RORA: variants seen among roughly 807,000 people sequenced by gnomAD.
RORA encodes the protein RAR related orphan receptor A, also known as nuclear receptor ROR-alpha.
Under a neutral mutation model 69.5 loss-of-function variants are expected in RORA, and 7 were observed. That is an observed-to-expected ratio of 0.10 (90% CI 0.06 to 0.19). The LOEUF (loss-of-function observed/expected upper bound fraction) is 0.19, where lower values mean the gene tolerates loss of function less well. RORA is among the 10% of genes least tolerant of loss of function. The pLI is 1.00. For synonymous variants in RORA, 261 were observed against 240.8 expected (o/e 1.08, Z -0.78); for missense variants, 457 against 663.0 (o/e 0.69, Z 3.41).
At chr15:60,617,145 G>A (rs183699878) in intron 2 of RORA, among the ~76,000 whole-genome samples, 8 of 152,274 alleles carry the variant, frequency 5.3e-5, no homozygotes, top group Admixed American at 3.9e-4. Flanking sequence ...CTTTACTAGT[G>A]AGTACAGTAG....
At chr15:61,179,501 C>A (rs904100631) in intron 1 of RORA, among the ~76,000 whole-genome samples, 6 of 152,124 alleles carry the variant, frequency 3.9e-5, no homozygotes, top group Non-Finnish European at 7.3e-5. Context: ...TATTTTAAAA[C>A]ACATGTATTT....
intron 1 of RORA, among the ~76,000 whole-genome samples, chr15:60,947,242 C>T (rs940572812): frequency 6.6e-5 from 10 of 151,576 alleles, no homozygotes; most frequent in African/African-American, 1.7e-4. Flanking sequence ...GCGGTTTTGT[C>T]GAATAGAAAA....
intron 1 of RORA, among the ~76,000 whole-genome samples, chr15:61,001,260 C>T (rs888142020): frequency 6.6e-6 from 1 of 152,146 alleles, no homozygotes; most frequent in African/African-American, 2.4e-5. Context: ...ATTAAAAATC[C>T]CTGTGAGGGC....
At chr15:60,805,930 A>C (rs1050538313) in intron 1 of RORA, among the ~76,000 whole-genome samples, 2 of 152,208 alleles carry the variant, frequency 1.3e-5, no homozygotes, top group Admixed American at 1.3e-4. Flanking sequence ...CAGAAGTTTA[A>C]ATCTCAGGTG....
At chr15:61,044,548 AT>A (rs1896935115) in intron 1 of RORA, among the ~76,000 whole-genome samples, 1 of 152,262 alleles carries the variant, frequency 6.6e-6, no homozygotes, top group Non-Finnish European at 1.5e-5. Context: ...TGAATTACAC[AT>A]TAAAATTGTA....
chr15:60,926,308 C>A (rs1361049261), intron 1 of RORA, among the ~76,000 whole-genome samples: 2 of 152,350 alleles, frequency 1.3e-5, no homozygotes. Flanking sequence ...GGCACCCTAT[C>A]TGACCTGGCA....
chr15:60,791,217 T>C (rs538208357), intron 1 of RORA, among the ~76,000 whole-genome samples: 21 of 152,280 alleles, frequency 1.4e-4, no homozygotes, highest in South Asian at 1.0e-3. Flanking sequence ...GGTCATCTCA[T>C]CTGTGATATA....
chr15:60,588,230 C>T (rs2068392484), intron 2 of RORA, among the ~76,000 whole-genome samples: 1 of 152,078 alleles, frequency 6.6e-6, no homozygotes, highest in Non-Finnish European at 1.5e-5. Context: ...CTCTGAGTGT[C>T]TAATTATGGC....
chr15:60,996,632 C>A (rs535322256), intron 1 of RORA, among the ~76,000 whole-genome samples: 1 of 152,086 alleles, frequency 6.6e-6, no homozygotes, highest in Non-Finnish European at 1.5e-5. Context: ...ATCTTCAGGC[C>A]GGGCACGATG....
chr15:60,645,770 C>T (rs1296408294), intron 2 of RORA, among the ~76,000 whole-genome samples: 3 of 149,880 alleles, frequency 2.0e-5, no homozygotes, highest in Non-Finnish European at 2.9e-5. Flanking sequence ...CTTCTTCCCA[C>T]TGCAGTAAAA....
chr15:60,628,976 G>A (rs904273317), intron 2 of RORA, among the ~76,000 whole-genome samples: 2 of 152,060 alleles, frequency 1.3e-5, no homozygotes, highest in African/African-American at 4.8e-5. Context: ...CCTGAGCTAG[G>A]ATCTGCTCAC....
chr15:60,613,696 CTGTG>C (rs66616801), intron 2 of RORA, among the ~76,000 whole-genome samples: 5,322 of 125,286 alleles, frequency 0.042, 126 homozygotes, highest in African/African-American at 0.06. Context: ...AATTTGATAT[CTGTG>C]TGTGTGTGTG....
At chr15:61,054,962 G>A (rs985011070) in intron 1 of RORA, among the ~76,000 whole-genome samples, 1 of 151,718 alleles carries the variant, frequency 6.6e-6, no homozygotes, top group Non-Finnish European at 1.5e-5. Flanking sequence ...TCAGCTTCCT[G>A]AATAGCTGGG....
At chr15:61,029,110 T>C (rs760447549) in intron 1 of RORA, among the ~76,000 whole-genome samples, 10 of 152,136 alleles carry the variant, frequency 6.6e-5, no homozygotes, top group Non-Finnish European at 1.0e-4. Context: ...CACTGAATTA[T>C]ACACTCTAGA....
chr15:60,500,082 A>G lies in RORA; in HGVS notation c.1295-78T>C, dbSNP rs1250142345. The G allele has an allele frequency of 3.6e-6, 3 of 841,170 alleles. No homozygotes were observed. In the African/African-American group the frequency reaches 5.2e-5, roughly 14 times the overall value. The allele number at this position is 841,170 out of a possible 1,614,324, so 52.1% of individuals were successfully genotyped here. A position where few individuals can be genotyped will look rare whatever the true frequency, so the allele number is the denominator to read the frequency against. ...TCCTTCTTCTCCGGATTCTTTTGATACGGATAATTATATCACAATGAATAT... is the reference window on the plus strand; with the variant it reads ...TCCTTCTTCTCCGGATTCTTTTGATGCGGATAATTATATCACAATGAATAT... On this transcript the variant is annotated intron_variant, in intron 9 of 10. Transcript: ENST00000335670.
At chr15:61,015,614 T>A (rs1895254328) in intron 1 of RORA, among the ~76,000 whole-genome samples, 1 of 152,180 alleles carries the variant, frequency 6.6e-6, no homozygotes, top group Non-Finnish European at 1.5e-5. Flanking sequence ...TGCTCATCTG[T>A]TCACCACCAC....
chr15:60,723,282 A>C (rs1431613901), intron 1 of RORA, among the ~76,000 whole-genome samples: 1 of 152,152 alleles, frequency 6.6e-6, no homozygotes, highest in Non-Finnish European at 1.5e-5. Flanking sequence ...TTCGATGCGC[A>C]TATAGGTTGA....
rs1364331537 is a variant in RORA, at chr15:60,534,115, C to T, written c.197-2264G>A. On this transcript the variant is annotated intron_variant, in intron 2 of 10. Transcript: ENST00000335670. This position sits in a 1 kb window ranked among gnomAD's most constrained non-coding sequence, Gnocchi z 5.0. The stretch of plus-strand genomic sequence containing the variant: ...ATATGCAGTATTCCTGTACAGTCGG[C>T]CTGGACTCACAGTGGATTACTAATT... 6.6e-6 allele frequency among the ~76,000 whole-genome samples: 1 copy of T among 152,198 alleles called. No individual in the cohort carries two copies. Among genetic ancestry groups the T allele is most frequent in the Non-Finnish European group, 1.5e-5 (1 of 68,038 alleles).
chr15:60,993,634 C>T (rs1894447245), intron 1 of RORA, among the ~76,000 whole-genome samples: 1 of 97,484 alleles, frequency 1.0e-5, no homozygotes. Flanking sequence ...CAGAGCAAGA[C>T]TCTCCATCTC....
Sources: gnomAD v4.1 joint callset for allele counts (sites outside exome capture counted in the v4.1 genomes callset) on GRCh38, gnomAD v4.1.1 for gene constraint, Gnocchi (gnomAD v3.1) non-coding constraint, MANE v1.5 for transcripts, NCBI Gene and HGNC (gene_info 2026-07-23, HGNC 2026-07-21) for gene names.